The following ALPK1 variants were observed in gnomAD, a reference collection of about 807,000 sequenced individuals.
The protein encoded by ALPK1 is alpha-protein kinase 1.
A neutral mutation model predicts 120.6 loss-of-function variants in ALPK1; 110 were observed. The ratio of observed to expected loss-of-function variants is 0.91; its 90% CI spans 0.78 to 1.07. The LOEUF is 1.07. Ranked by LOEUF, ALPK1 falls within the 50% of genes least tolerant of loss-of-function variation. ALPK1 has a pLI of 0.00. For missense variants in ALPK1, 1,498 were observed against 1,483.9 expected (o/e 1.01, Z -0.16); for synonymous variants, 582 against 560.3 (o/e 1.04, Z -0.55).
chr4:112,427,822 G>C (rs1734309002), intron 9 of ALPK1, 157 bp downstream of exon 9: 1 of 613,320 alleles, frequency 1.6e-6, no homozygotes, highest in Admixed American at 2.6e-5. Context: ...GAGTCTTGTG[G>C]GGTCCTATTT....
chr4:112,411,748 A>T, intron 4 of ALPK1, 79 bp from the exon 5 acceptor site: 1 of 1,381,396 alleles, frequency 7.2e-7, no homozygotes, highest in Non-Finnish European at 1.0e-6. Flanking sequence ...TATTAATGAA[A>T]ATGCCTCCCA....
intron 4 of ALPK1, among the ~76,000 whole-genome samples, chr4:112,389,679 G>T (rs1732317917): frequency 6.6e-6 from 1 of 152,204 alleles, no homozygotes; most frequent in African/African-American, 2.4e-5. Flanking sequence ...TTTCAGTCTT[G>T]CAATGTGCTG....
rs202180424 is a variant in ALPK1, at chr4:112,439,734, A to T, written c.3400A>T (p.Ile1134Leu). ...GGGATGTATCAGTGTGGAGCCTTAC[A>T]TACTGGGAGAATTTGTAAAATTGTC... The part of the protein sequence containing the change: ...IKGCISVEPY[I>L]LGEFVKLSNN... Residue 1134 changes from isoleucine to leucine, a missense_variant, in exon 14 of 16, where the codon ATA becomes TTA. Coordinates refer to ENST00000650871, the MANE Select transcript of ALPK1 (RefSeq NM_025144.4). 236 of 1,613,372 alleles carry T rather than the reference A, an allele frequency of 1.5e-4. No individual in the cohort carries two copies. Among genetic ancestry groups the T allele is most frequent in the Non-Finnish European group, 1.9e-4 (228 of 1,179,806 alleles).
intron 11 of ALPK1, among the ~76,000 whole-genome samples, chr4:112,434,126 T>C (rs1734692763): frequency 6.6e-6 from 1 of 152,250 alleles, no homozygotes. Flanking sequence ...TACAATGAGG[T>C]AACTGCTTTC....
intron 2 of ALPK1, among the ~76,000 whole-genome samples, chr4:112,316,673 T>G (rs1230595888): frequency 2.0e-5 from 3 of 152,204 alleles, no homozygotes; most frequent in Non-Finnish European, 4.4e-5. Flanking sequence ...TCTTAATGGG[T>G]GTGAGGTAGT....
At chr4:112,429,863 A>AAG (rs1734455671) in intron 10 of ALPK1, among the ~76,000 whole-genome samples, 22 of 150,658 alleles carry the variant, frequency 1.5e-4, no homozygotes, top group Admixed American at 1.3e-3. Flanking sequence ...AAGAAAAGAA[A>AAG]AGAGAAAAAG....
intron 4 of ALPK1, among the ~76,000 whole-genome samples, chr4:112,409,373 A>G (rs957788906): frequency 1.2e-4 from 19 of 152,140 alleles, no homozygotes; most frequent in African/African-American, 4.3e-4. Context: ...TCTGATCAAT[A>G]GTACCTCTCT....
intron 2 of ALPK1, among the ~76,000 whole-genome samples, chr4:112,349,974 C>T (rs4834264): frequency 0.3 from 44,875 of 151,900 alleles, 7,323 homozygotes; most frequent in Non-Finnish European, 0.38. Context: ...GTAGCCCAGA[C>T]CTATGAGAAA....
At chr4:112,306,592 G>A (rs937738602) in intron 1 of ALPK1, among the ~76,000 whole-genome samples, 2 of 151,968 alleles carry the variant, frequency 1.3e-5, no homozygotes, top group African/African-American at 4.8e-5. Context: ...GATCGGTGGT[G>A]ATATCCCCTT....
chr4:112,331,478 C>T (rs1030453579), intron 2 of ALPK1, among the ~76,000 whole-genome samples: 2 of 152,192 alleles, frequency 1.3e-5, no homozygotes, highest in Non-Finnish European at 2.9e-5. Flanking sequence ...TTGAATTGCA[C>T]TGTGATTATC....
intron 2 of ALPK1, among the ~76,000 whole-genome samples, chr4:112,318,009 A>G (rs1728711638): frequency 6.6e-6 from 1 of 152,218 alleles, no homozygotes. Context: ...TATCGTCATA[A>G]AAATGAGAAG....
intron 2 of ALPK1, among the ~76,000 whole-genome samples, chr4:112,355,851 C>T (rs1343979497): frequency 1.3e-5 from 2 of 152,240 alleles, no homozygotes; most frequent in South Asian, 2.1e-4. Context: ...CGCCTCAGTC[C>T]GCGAAGTCTG....
chr4:112,404,505 GA>G (rs1317168999), intron 4 of ALPK1, among the ~76,000 whole-genome samples: 2 of 152,338 alleles, frequency 1.3e-5, no homozygotes, highest in African/African-American at 4.8e-5. Flanking sequence ...ATAAGTGCTA[GA>G]GCTAGGAAAC....
At position 112,425,723 on chromosome 4, in the gene ALPK1, G is replaced by T; in HGVS notation, c.594G>T (p.Gln198His). 1 of 1,612,378 alleles carries T rather than the reference G, an allele frequency of 6.2e-7. No individual in the cohort carries two copies. The highest frequency in any genetic ancestry group is 8.5e-7 in the Non-Finnish European group (1 of 1,178,818). The change falls in exon 7 of 16, where the codon CAG (glutamine) becomes CAT (histidine). Residue 198 changes from glutamine (Q) to histidine (H), a missense_variant. Gln to His is a conservative substitution (Grantham distance 24, BLOSUM62 0). Coordinates refer to ENST00000650871, the MANE Select transcript of ALPK1 (RefSeq NM_025144.4). ...DKVLVQSVCI[Q>H]IRGQILQKLG... ...TCCTGGTGCAGTCGGTCTGTATACA[G>T]ATCAGAGGGCAGATTCTGCAAAAGC... is the stretch of plus-strand genomic sequence containing the variant.
At chr4:112,387,525 T>A (rs1195531331) in intron 4 of ALPK1, among the ~76,000 whole-genome samples, 1 of 152,164 alleles carries the variant, frequency 6.6e-6, no homozygotes, top group Non-Finnish European at 1.5e-5. Flanking sequence ...AAAAGCACAG[T>A]CTGAGGACAT....
intron 2 of ALPK1, among the ~76,000 whole-genome samples, chr4:112,325,332 A>G (rs1403230336): frequency 6.6e-6 from 1 of 152,228 alleles, no homozygotes; most frequent in African/African-American, 2.4e-5. Flanking sequence ...TGTAAATTGA[A>G]CTACAAATCA....
At chr4:112,366,020 C>T (rs1056689218) in intron 2 of ALPK1, among the ~76,000 whole-genome samples, 4 of 152,118 alleles carry the variant, frequency 2.6e-5, no homozygotes, top group East Asian at 1.9e-4. Context: ...AAGAATAGAA[C>T]TGGATCCTCA....
At chr4:112,430,372 A>G in intron 10 of ALPK1, 76 bp from the exon 11 acceptor site, 1 of 1,332,154 alleles carries the variant, frequency 7.5e-7, no homozygotes. Context: ...ACTGTCCTCC[A>G]GAAATGAAAA....
At chr4:112,361,897 T>TG (rs781103068) in intron 2 of ALPK1, among the ~76,000 whole-genome samples, 11 of 152,258 alleles carry the variant, frequency 7.2e-5, no homozygotes, top group Non-Finnish European at 1.3e-4. Context: ...AGCCTGAAGA[T>TG]GGATCACATC....
Sources: gnomAD v4.1 joint callset for allele counts (sites outside exome capture counted in the v4.1 genomes callset) on GRCh38, gnomAD v4.1.1 for gene constraint, MANE v1.5 for transcripts, NCBI Gene and HGNC (gene_info 2026-07-23, HGNC 2026-07-21) for gene names.